Variants in SNX33 observed in about 807,000 individuals in gnomAD.
SNX33 encodes the protein sorting nexin-33.
A neutral mutation model predicts 38.8 loss-of-function variants in SNX33; 19 were observed. The ratio of observed to expected loss-of-function variants is 0.49; its 90% CI spans 0.34 to 0.72. The LOEUF is 0.72. Ranked by LOEUF, SNX33 falls within the 30% of genes least tolerant of loss-of-function variation. The pLI, the probability that SNX33 is intolerant of heterozygous loss-of-function variation, is 0.01. For missense variants in SNX33, 641 were observed against 776.4 expected (o/e 0.83, Z 2.07); for synonymous variants, 246 against 289.7 (o/e 0.85, Z 1.53).
Position 75,650,275 on chromosome 15 carries a change from C to T in SNX33, c.1173C>T (p.Ser391=), listed in dbSNP as rs190506031. ...CCTTCAGTAAGAAGATGGACGACAG[C>T]GTCCTGCAGCTCAGCACTGTGGCAT... ...FKAFSKKMDD[S]VLQLSTVASE... Residue 391 remains serine (S), a synonymous_variant, in exon 1 of 2, where the codon AGC becomes AGT. Coordinates refer to ENST00000308527, the MANE Select transcript of SNX33 (RefSeq NM_153271.2). The surrounding 1 kb of genome is among the most constrained non-coding windows in gnomAD (Gnocchi z 6.1). 39 of 1,587,624 alleles carry T rather than the reference C, an allele frequency of 2.5e-5. No homozygotes were observed. The Admixed American group carries it at 4.0e-4, about 16-fold the overall frequency.
rs748497602 is a variant in SNX33, at chr15:75,657,620, G to A, written c.*405G>A. 5 of 284,920 alleles carry A rather than the reference G, an allele frequency of 1.8e-5. No homozygotes were observed. The highest frequency in any genetic ancestry group is 3.4e-5 in the Non-Finnish European group (5 of 145,310). 17.6% of individuals were successfully genotyped at this position (284,920 alleles called of 1,614,324 possible). On this transcript the variant is annotated 3_prime_UTR_variant, in exon 2 of 2. Coordinates refer to ENST00000308527, the MANE Select transcript of SNX33 (RefSeq NM_153271.2). This position sits in a 1 kb window ranked among gnomAD's most constrained non-coding sequence, Gnocchi z 5.5. ...TGCTGGGCACCCAGGGCTGTGACAT[G>A]CCTGCTCTTCAGGAGTCCTCAGTGA... is the stretch of plus-strand genomic sequence containing the variant.
chr15:75,656,455 G>A (rs1420665558), intron 1 of SNX33, among the ~76,000 whole-genome samples: 1 of 152,214 alleles, frequency 6.6e-6, no homozygotes, highest in Non-Finnish European at 1.5e-5. Context: ...TCTGTAGGTA[G>A]TGGAGAGCTA....
intron 1 of SNX33, among the ~76,000 whole-genome samples, chr15:75,655,242 G>A (rs28706250): frequency 0.048 from 7,247 of 152,312 alleles, 546 homozygotes; most frequent in African/African-American, 0.16. Context: ...TGCCCCTCAG[G>A]GCCTTGGCCT....
At chr15:75,656,760 TGATGTGCTTGGTTTAG>T (rs1287290997) in intron 1 of SNX33, among the ~76,000 whole-genome samples, 186 bp from the exon 2 acceptor site, 2 of 152,068 alleles carry the variant, frequency 1.3e-5, no homozygotes, top group East Asian at 3.9e-4. Flanking sequence ...GGAGAGAAGA[TGATGTGCTTGGTTTAG>T]GAGGTGCTGA....
rs1566966614 is a variant in SNX33 at position 75,649,996 on chromosome 15, CGAG to C, written c.900_902del (p.Glu300del). On this transcript the variant is annotated inframe_deletion, in exon 1 of 2. Transcript: ENST00000308527. The surrounding 1 kb of genome is among the most constrained non-coding windows in gnomAD (Gnocchi z 6.6). ...CTGAGAAGCAGGCCACTGGCCGCTT[CGAG>C]GAGGACTTCATCGAAAAGCGGAAGC... 1 of 1,601,186 alleles carries C rather than the reference CGAG, an allele frequency of 6.2e-7. No homozygotes were observed. The highest frequency in any genetic ancestry group is 1.3e-5 in the African/African-American group (1 of 74,464).
rs139396216 is a variant in SNX33 at position 75,650,445 on chromosome 15, G to A, written c.1343G>A (p.Arg448His). The A allele has an allele frequency of 2.9e-4, 473 of 1,614,112 alleles. 2 individuals are homozygous for A. The highest frequency in any genetic ancestry group is 1.5e-3 in the Middle Eastern group (9 of 6,062). ...ALNSAISHTGRTYEAIGEMFA... is the reference protein window; with the variant it reads ...ALNSAISHTGHTYEAIGEMFA... ...AACAGTGCCATTTCTCACACGGGCC[G>A]TACCTATGAAGCCATCGGGGAGATG... Residue 448 changes from arginine (R) to histidine (H), a missense_variant, in exon 1 of 2, where the codon CGT becomes CAT. Around this residue, in one of 2 missense-constraint regions of SNX33, gnomAD observed 398 missense variants for 542.5 expected, o/e 0.73. Coordinates refer to ENST00000308527, the MANE Select transcript of SNX33 (RefSeq NM_153271.2). The surrounding 1 kb of genome is among the most constrained non-coding windows in gnomAD (Gnocchi z 6.1).
chr15:75,656,871 A>G, intron 1 of SNX33, 91 bp from the exon 2 acceptor site: 1 of 1,517,582 alleles, frequency 6.6e-7, no homozygotes, highest in Admixed American at 2.0e-5. Context: ...GTCCGAGTTG[A>G]GCTGATGAGG....
rs999406322 is a variant in SNX33 at position 75,661,007 on chromosome 15, G to C, written c.*3792G>C. 1 of 152,220 alleles carries C rather than the reference G, an allele frequency of 6.6e-6. No individual in the cohort carries two copies. The highest frequency in any genetic ancestry group is 6.5e-5 in the Admixed American group (1 of 15,292). The allele number at this position is 152,220 out of a possible 1,614,324, so 9.4% of individuals were successfully genotyped here. On this transcript the variant is annotated 3_prime_UTR_variant, in exon 2 of 2. Coordinates refer to ENST00000308527, the MANE Select transcript of SNX33 (RefSeq NM_153271.2). This position sits in a 1 kb window ranked among gnomAD's most constrained non-coding sequence, Gnocchi z 4.5. ...GAGGCCCAGGGAGCAGTGGTGGCTGGCCTTATCACCCAGCAGGGCAGGGGA... is the reference window on the plus strand; with the variant it reads ...GAGGCCCAGGGAGCAGTGGTGGCTGCCCTTATCACCCAGCAGGGCAGGGGA...
chr15:75,655,117 GC>G (rs1473379941), intron 1 of SNX33, among the ~76,000 whole-genome samples: 1 of 152,212 alleles, frequency 6.6e-6, no homozygotes, highest in East Asian at 1.9e-4. Context: ...ACGTCTGGGG[GC>G]CCCACACATA....
Position 75,649,475 on chromosome 15 carries a change from A to G in SNX33, c.373A>G (p.Thr125Ala). 6.5e-7 allele frequency: 1 copy of G among 1,542,728 alleles called. No homozygotes were observed. Among genetic ancestry groups the G allele is most frequent in the Non-Finnish European group, 8.8e-7 (1 of 1,142,312 alleles). Residue 125 changes from threonine to alanine, a missense_variant, in exon 1 of 2, where the codon ACA becomes GCA. Physicochemically the swap from Thr to Ala is moderately conservative, Grantham distance 58. This residue lies in a region of SNX33 where 243 missense variants were observed against 233.9 expected (regional missense o/e 1.04). Coordinates refer to ENST00000308527, the MANE Select transcript of SNX33 (RefSeq NM_153271.2). The surrounding 1 kb of genome is among the most constrained non-coding windows in gnomAD (Gnocchi z 6.6). Reference sequence around the variant, plus strand: ...CTGGGATGACTGGGACGACGGATGCACAGTGGTGGAGGAGCCACGGGCTGG... The same window carrying G: ...CTGGGATGACTGGGACGACGGATGCGCAGTGGTGGAGGAGCCACGGGCTGG... ...DDWDDWDDGC[T>A]VVEEPRAGGL...
chr15:75,652,434 A>G (rs1337504658), intron 1 of SNX33, among the ~76,000 whole-genome samples: 1 of 152,174 alleles, frequency 6.6e-6, no homozygotes, highest in Admixed American at 6.5e-5. Flanking sequence ...ATGATTAAAC[A>G]GATGCTCCCA....
chr15:75,652,006 G>GTTTTTTTTTTTTT (rs10706187), intron 1 of SNX33, among the ~76,000 whole-genome samples: 1 of 132,864 alleles, frequency 7.5e-6, no homozygotes, highest in African/African-American at 3.2e-5. Context: ...CTTTCTTTCT[G>GTTTTTTTTTTTTT]TTTTTTTTTT....
At chr15:75,654,015 C>T (rs567691287) in intron 1 of SNX33, among the ~76,000 whole-genome samples, 78 of 151,820 alleles carry the variant, frequency 5.1e-4, no homozygotes, top group African/African-American at 1.8e-3. Context: ...ATTGCTTGAA[C>T]CCAGCAGGCG....
At position 75,657,110 on chromosome 15, in the gene SNX33, C is replaced by T. The variant is rs142634432; in HGVS notation, c.1620C>T (p.Leu540=). Residue 540 remains leucine (L), a synonymous_variant, in exon 2 of 2, where the codon CTC becomes CTT. Coordinates refer to ENST00000308527, the MANE Select transcript of SNX33 (RefSeq NM_153271.2). This position sits in a 1 kb window ranked among gnomAD's most constrained non-coding sequence, Gnocchi z 5.5. ...EMNHFHQRRE[L]DFKHMMQNYL... is the part of the protein sequence containing the mutation. ...ACCACTTCCACCAGCGCCGTGAGCT[C>T]GACTTCAAGCACATGATGCAGAACT... 63 of 1,614,058 alleles carry T rather than the reference C, an allele frequency of 3.9e-5. No individual in the cohort carries two copies. In the African/African-American group the frequency reaches 5.1e-4, roughly 13 times the overall value.
intron 1 of SNX33, among the ~76,000 whole-genome samples, chr15:75,652,943 G>T (rs1893602740): frequency 6.6e-6 from 1 of 152,200 alleles, no homozygotes; most frequent in Non-Finnish European, 1.5e-5. Context: ...CCAGGATTCT[G>T]TCCAGCCTGT....
intron 1 of SNX33, among the ~76,000 whole-genome samples, chr15:75,651,770 C>T (rs539930287): frequency 1.4e-4 from 21 of 152,314 alleles, no homozygotes; most frequent in African/African-American, 4.3e-4. Flanking sequence ...GGCTCCCTGG[C>T]CCTTGGGCCC....
chr15:75,652,714 A>G (rs577547341), intron 1 of SNX33, among the ~76,000 whole-genome samples: 5 of 152,312 alleles, frequency 3.3e-5, no homozygotes, highest in South Asian at 4.1e-4. Context: ...ACCCCTCCCA[A>G]TGGGCCAAGC....
chr15:75,648,613 C>T lies in SNX33; in HGVS notation c.-490C>T. 3.3e-6 allele frequency: 3 copies of T among 900,358 alleles called. No homozygotes were observed. The highest frequency in any genetic ancestry group is 1.0e-4 in the South Asian group (2 of 19,500). 55.8% of individuals were successfully genotyped at this position (900,358 alleles called of 1,614,324 possible). On this transcript the variant is annotated 5_prime_UTR_variant, in exon 1 of 2. Coordinates refer to ENST00000308527, the MANE Select transcript of SNX33 (RefSeq NM_153271.2). This position sits in a 1 kb window ranked among gnomAD's most constrained non-coding sequence, Gnocchi z 4.4. ...AGAGGAATGTGAGAGCCTCCCAAAG[C>T]GAGAGCCGCCAAAAGAATCTGGGAG... is the stretch of plus-strand genomic sequence containing the variant.
chr15:75,648,366 G>C lies in SNX33; in HGVS notation c.-737G>C, dbSNP rs1893524832. 1.0e-6 allele frequency: 1 copy of C among 985,310 alleles called. No individual in the cohort carries two copies. Among genetic ancestry groups the C allele is most frequent in the Admixed American group, 6.1e-5 (1 of 16,262 alleles). The allele number at this position is 985,310 out of a possible 1,614,324, so 61.0% of individuals were successfully genotyped here. A position where few individuals can be genotyped will look rare whatever the true frequency, so the allele number is the denominator to read the frequency against. On this transcript the variant is annotated 5_prime_UTR_variant, in exon 1 of 2. Coordinates refer to ENST00000308527, the MANE Select transcript of SNX33 (RefSeq NM_153271.2). The surrounding 1 kb of genome is among the most constrained non-coding windows in gnomAD (Gnocchi z 4.4). ...GCGGGGAGAGGGCGCCCGAGCCGGC[G>C]GGGGCTCCGGCTGCGCAGCCGGGGT...
Sources: gnomAD v4.1 joint callset for allele counts (sites outside exome capture counted in the v4.1 genomes callset) on GRCh38, gnomAD v4.1.1 for gene constraint, gnomAD v4.1.1 regional missense constraint, Gnocchi (gnomAD v3.1) non-coding constraint, MANE v1.5 for transcripts, NCBI Gene and HGNC (gene_info 2026-07-23, HGNC 2026-07-21) for gene names.